The following ZNF423 variants were observed in gnomAD, a reference collection of about 807,000 sequenced individuals.
The protein encoded by ZNF423 is zinc finger protein 423.
ZNF423 carries 12 observed loss-of-function variants against 95.8 expected under a neutral mutation model. The observed-to-expected ratio is 0.13, with a 90% CI of 0.08 to 0.20. The LOEUF (loss-of-function observed/expected upper bound fraction) is 0.20, where lower values mean the gene tolerates loss of function less well. Ranked by LOEUF, ZNF423 falls within the 10% of genes least tolerant of loss-of-function variation. ZNF423 has a pLI of 1.00. For missense variants in ZNF423, 1,316 were observed against 1,737.1 expected (o/e 0.76, Z 4.31); for synonymous variants, 749 against 711.9 (o/e 1.05, Z -0.83).
chr16:49,657,786 C>A (rs983172079), intron 3 of ZNF423, among the ~76,000 whole-genome samples: 1 of 152,232 alleles, frequency 6.6e-6, no homozygotes, highest in Non-Finnish European at 1.5e-5. Context: ...TTGCTTCAGG[C>A]TCTGTGTTCA....
intron 1 of ZNF423, among the ~76,000 whole-genome samples, chr16:49,849,867 T>C (rs1194362950): frequency 6.6e-6 from 1 of 152,218 alleles, no homozygotes; most frequent in East Asian, 1.9e-4. Context: ...ATGTCAGTGT[T>C]TTCACAGCAC....
chr16:49,616,310 T>A (rs1036408051), intron 5 of ZNF423, among the ~76,000 whole-genome samples: 2 of 152,026 alleles, frequency 1.3e-5, no homozygotes, highest in African/African-American at 2.4e-5. Flanking sequence ...AGAGTGATGG[T>A]CAGCAGATGC....
intron 5 of ZNF423, among the ~76,000 whole-genome samples, chr16:49,574,119 C>T (rs1222558669): frequency 6.6e-6 from 1 of 152,198 alleles, no homozygotes; most frequent in Non-Finnish European, 1.5e-5. Context: ...TGCAATGGTT[C>T]ACACCTGTAA....
At chr16:49,623,410 C>T (rs1972151413) in intron 5 of ZNF423, among the ~76,000 whole-genome samples, 2 of 152,210 alleles carry the variant, frequency 1.3e-5, no homozygotes, top group East Asian at 1.9e-4. Context: ...ACATAGCTTC[C>T]AGGCTCTGCA....
chr16:49,711,284 C>T lies in ZNF423; in HGVS notation c.301+19487G>A, dbSNP rs183266501. On this transcript the variant is annotated intron_variant, in intron 3 of 7. Coordinates refer to ENST00000563137, the MANE Select transcript of ZNF423 (RefSeq NM_001379286.1). ...CAAGAATGTTTACTATAGTGAACAA[C>T]TGGAAACACCCTAAATACCCCCCAC... is the stretch of plus-strand genomic sequence containing the variant. 10 of 152,268 alleles carry T rather than the reference C, an allele frequency of 6.6e-5. No individual in the cohort carries two copies. In the East Asian group the frequency reaches 1.7e-3, roughly 26 times the overall value. The allele number at this position is 152,268 out of a possible 1,614,324, so 9.4% of individuals were successfully genotyped here.
intron 2 of ZNF423, among the ~76,000 whole-genome samples, chr16:49,731,764 C>T (rs1218561835): frequency 1.3e-5 from 2 of 151,982 alleles, no homozygotes; most frequent in Non-Finnish European, 2.9e-5. Flanking sequence ...GAACTATGAT[C>T]GTGCCACTGT....
At chr16:49,843,219 T>C (rs558429006) in intron 1 of ZNF423, among the ~76,000 whole-genome samples, 1 of 152,256 alleles carries the variant, frequency 6.6e-6, no homozygotes, top group Non-Finnish European at 1.5e-5. Flanking sequence ...ATGAGGATAC[T>C]CCCTGCATCA....
At chr16:49,676,992 C>A (rs1314923511) in intron 3 of ZNF423, among the ~76,000 whole-genome samples, 1 of 151,370 alleles carries the variant, frequency 6.6e-6, no homozygotes, top group African/African-American at 2.4e-5. Flanking sequence ...CCGAGGTGGG[C>A]GGATCACCTG....
chr16:49,595,172 TG>T (rs1971145188), intron 5 of ZNF423, among the ~76,000 whole-genome samples: 1 of 152,192 alleles, frequency 6.6e-6, no homozygotes, highest in African/African-American at 2.4e-5. Flanking sequence ...TGTCCCCTCC[TG>T]TTGGTTTTCC....
chr16:49,838,908 G>A (rs2035151888), intron 1 of ZNF423, among the ~76,000 whole-genome samples: 1 of 151,824 alleles, frequency 6.6e-6, no homozygotes, highest in Admixed American at 6.5e-5. Flanking sequence ...CCGCCTCAAA[G>A]GGGTCCCGGG....
chr16:49,855,688 C>T lies in ZNF423; in HGVS notation c.40+47G>A, dbSNP rs886897891. 2 of 157,186 alleles carry T rather than the reference C, an allele frequency of 1.3e-5. No individual in the cohort carries two copies. Among genetic ancestry groups the T allele is most frequent in the Non-Finnish European group, 2.8e-5 (2 of 71,176 alleles). 9.7% of individuals were successfully genotyped at this position (157,186 alleles called of 1,614,324 possible). ...CCGGTCCCTCCTCCCTCGCTCCCTC[C>T]CTCCTCGCTCGCTCGCTCGCGCCTC... is the stretch of plus-strand genomic sequence containing the variant. On this transcript the variant is annotated intron_variant, in intron 1 of 7. Transcript: ENST00000563137. This position sits in a 1 kb window ranked among gnomAD's most constrained non-coding sequence, Gnocchi z 4.7.
chr16:49,507,250 C>T (rs1052844676), intron 7 of ZNF423, among the ~76,000 whole-genome samples: 1 of 152,166 alleles, frequency 6.6e-6, no homozygotes, highest in Admixed American at 6.5e-5. Context: ...ATAACTAATA[C>T]TAACCACAGG....
chr16:49,726,856 C>CAAAA (rs368675702), intron 3 of ZNF423, among the ~76,000 whole-genome samples: 2,815 of 94,580 alleles, frequency 0.03, 196 homozygotes, highest in East Asian at 0.048. Flanking sequence ...TTCCCCCTAG[C>CAAAA]AAAAAAAAAA....
chr16:49,637,478 G>A lies in ZNF423; in HGVS notation c.1698C>T (p.Ser566=). The A allele has an allele frequency of 6.2e-7, 1 of 1,614,080 alleles. No individual in the cohort carries two copies. ...LESPVVQPTQ[S]FMEVYSCPYC... ...AGGGGCAGGAATAGACCTCCATGAA[G>A]GACTGCGTGGGCTGCACCACCGGAG... The change falls in exon 4 of 8, where the codon TCC becomes TCT. Residue 566 remains serine, a synonymous_variant. Coordinates refer to ENST00000563137, the MANE Select transcript of ZNF423 (RefSeq NM_001379286.1). This position sits in a 1 kb window ranked among gnomAD's most constrained non-coding sequence, Gnocchi z 5.6.
chr16:49,632,444 G>A (rs1972537638), intron 4 of ZNF423, among the ~76,000 whole-genome samples: 1 of 152,230 alleles, frequency 6.6e-6, no homozygotes, highest in Non-Finnish European at 1.5e-5. Flanking sequence ...AGAGAATGCC[G>A]CCTTGCCTGG....
intron 1 of ZNF423, among the ~76,000 whole-genome samples, chr16:49,818,327 T>C (rs1422011687): frequency 6.6e-6 from 1 of 152,100 alleles, no homozygotes; most frequent in Non-Finnish European, 1.5e-5. Context: ...GGGATCTGCA[T>C]TGCTACCAAG....
rs150425608 is a variant in ZNF423, at chr16:49,686,029, C to A, written c.301+44742G>T. On this transcript the variant is annotated intron_variant, in intron 3 of 7. Coordinates refer to ENST00000563137, the MANE Select transcript of ZNF423 (RefSeq NM_001379286.1). ...TTCCAGTGTCCATTCTTCAAAGAAG[C>A]CTTTGCTTCTCTCTCATGCCCCATG... Among the ~76,000 whole-genome samples, 26 of 152,286 alleles carry A rather than the reference C, an allele frequency of 1.7e-4. No individual in the cohort carries two copies. In the East Asian group the frequency reaches 5.0e-3, roughly 29 times the overall value.
intron 7 of ZNF423, among the ~76,000 whole-genome samples, chr16:49,503,349 T>C (rs566868666): frequency 5.0e-4 from 76 of 152,104 alleles, no homozygotes; most frequent in African/African-American, 1.4e-3. Context: ...CTTTTTAAAC[T>C]CCCTGGCGGG....
At chr16:49,641,436 G>T (rs1359373825) in intron 3 of ZNF423, among the ~76,000 whole-genome samples, 2 of 152,180 alleles carry the variant, frequency 1.3e-5, no homozygotes, top group Non-Finnish European at 2.9e-5. Context: ...TTTCTGGGAG[G>T]GGCTCATCAG....
Sources: gnomAD v4.1 joint callset for allele counts (sites outside exome capture counted in the v4.1 genomes callset) on GRCh38, gnomAD v4.1.1 for gene constraint, Gnocchi (gnomAD v3.1) non-coding constraint, MANE v1.5 for transcripts, NCBI Gene and HGNC (gene_info 2026-07-23, HGNC 2026-07-21) for gene names.